The following SMIM36 variants were observed in gnomAD, a reference collection of about 807,000 sequenced individuals.
SMIM36 encodes the protein small integral membrane protein 36.
chr17:55,460,506 C>T, intron 4 of SMIM36, among the ~76,000 whole-genome samples: 1 of 151,292 alleles, frequency 6.6e-6, no homozygotes, highest in Middle Eastern at 3.4e-3. Flanking sequence ...GAAAACAAAA[C>T]AGCACAAGCT....
At chr17:55,470,976 A>G (rs1049767923) in intron 3 of SMIM36, among the ~76,000 whole-genome samples, 1 of 151,982 alleles carries the variant, frequency 6.6e-6, no homozygotes, top group Non-Finnish European at 1.5e-5. Context: ...TTGGTTCAGG[A>G]TCTTCACCTT....
intron 3 of SMIM36, among the ~76,000 whole-genome samples, chr17:55,476,434 T>TCGGTC (rs1448219730): frequency 9.2e-5 from 14 of 152,188 alleles, no homozygotes; most frequent in African/African-American, 2.7e-4. Context: ...TTTTTTGGAC[T>TCGGTC]CAGCACCCAG....
At chr17:55,451,667 T>C (rs1262855339) in intron 4 of SMIM36, among the ~76,000 whole-genome samples, 1 of 152,212 alleles carries the variant, frequency 6.6e-6, no homozygotes, top group African/African-American at 2.4e-5. Context: ...TAAATATCTG[T>C]TGAATGAATG....
At chr17:55,494,599 A>C (rs1909774164) in intron 1 of SMIM36, among the ~76,000 whole-genome samples, 1 of 152,134 alleles carries the variant, frequency 6.6e-6, no homozygotes, top group African/African-American at 2.4e-5. Context: ...CAAATAATGT[A>C]CATATAATTT....
rs138062354 is a variant in SMIM36, at chr17:55,463,904, C to T, written c.*531+3241G>A. Among the ~76,000 whole-genome samples the T allele has an allele frequency of 8.5e-3, 1,291 of 152,098 alleles. 6 individuals carry two copies. Among genetic ancestry groups the T allele is most frequent in the Non-Finnish European group, 0.014 (918 of 67,964 alleles). On this transcript the variant is annotated intron_variant, in intron 4 of 4. Coordinates refer to ENST00000636752, the Ensembl canonical transcript of SMIM36. ...GCTAAGACAGGGGGATCACTTGAGG[C>T]CAGGAGTTCAAGACTAGCCTGATCA...
intron 3 of SMIM36, among the ~76,000 whole-genome samples, chr17:55,474,101 A>T (rs988263412): frequency 2.0e-5 from 3 of 152,144 alleles, no homozygotes; most frequent in African/African-American, 7.2e-5. Flanking sequence ...AGCCCTTAAA[A>T]GGGATAGGAA....
At chr17:55,455,901 T>G (rs1011428084) in intron 4 of SMIM36, among the ~76,000 whole-genome samples, 1 of 152,032 alleles carries the variant, frequency 6.6e-6, no homozygotes, top group Non-Finnish European at 1.5e-5. Flanking sequence ...ATGGATCATT[T>G]GAGGTCAAGA....
Position 55,466,145 on chromosome 17 carries a change from C to G in SMIM36, c.*531+1000G>C, listed in dbSNP as rs10451267. On this transcript the variant is annotated intron_variant, in intron 4 of 4. Coordinates refer to ENST00000636752, the Ensembl canonical transcript of SMIM36. ...ATGCAAAATTAGCCTGGCATGGTGG[C>G]GGGCACCTGTAATCCCAGCTACTAG... 8.9e-3 allele frequency among the ~76,000 whole-genome samples: 1,348 copies of G among 151,720 alleles called. 18 individuals carry two copies. Among genetic ancestry groups the G allele is most frequent in the African/African-American group, 0.031 (1,274 of 41,362 alleles).
intron 1 of SMIM36, among the ~76,000 whole-genome samples, chr17:55,495,645 T>A (rs1035473289): frequency 7.3e-6 from 1 of 137,808 alleles, no homozygotes; most frequent in African/African-American, 3.0e-5. Flanking sequence ...TTTTTTTTTT[T>A]ACAAAGGAAA....
chr17:55,521,796 G>C, the SMIM36 span, among the ~76,000 whole-genome samples: 1 of 151,986 alleles, frequency 6.6e-6, no homozygotes, highest in Non-Finnish European at 1.5e-5. Flanking sequence ...AAAATCCTGG[G>C]GGCTCTACAT....
At chr17:55,482,153 G>A (rs778249807) in intron 1 of SMIM36, among the ~76,000 whole-genome samples, 2 of 152,132 alleles carry the variant, frequency 1.3e-5, no homozygotes, top group African/African-American at 2.4e-5. Context: ...AGTATTAGAC[G>A]AATCCTAAGA....
the SMIM36 span, among the ~76,000 whole-genome samples, chr17:55,517,117 C>G: frequency 5.8e-3 from 885 of 152,310 alleles, 10 homozygotes; most frequent in African/African-American, 0.019. Flanking sequence ...TGGCAATATG[C>G]TGGAATAGTA....
chr17:55,471,050 A>G (rs756487820), intron 3 of SMIM36, among the ~76,000 whole-genome samples: 1 of 152,040 alleles, frequency 6.6e-6, no homozygotes, highest in Non-Finnish European at 1.5e-5. Flanking sequence ...CCTATCTTCA[A>G]TACCCCCTCC....
intron 3 of SMIM36, among the ~76,000 whole-genome samples, chr17:55,474,927 G>A (rs150627450): frequency 2.4e-3 from 369 of 152,254 alleles, no homozygotes; most frequent in Non-Finnish European, 3.3e-3. Flanking sequence ...TTAGAGATAG[G>A]TTGGCCATCA....
Position 55,500,808 on chromosome 17 carries a change from T to A in SMIM36, c.*174+10071A>T, listed in dbSNP as rs917548404. ...TATTATTATATATTTTATAATATAT[T>A]ATAATATATTATATTTTATAATATA... On this transcript the variant is annotated intron_variant, in intron 1 of 4. Coordinates refer to ENST00000636752, the Ensembl canonical transcript of SMIM36. Among the ~76,000 whole-genome samples the A allele has an allele frequency of 1.3e-4, 7 of 55,840 alleles. 2 individuals are homozygous for A. Among genetic ancestry groups the A allele is most frequent in the Non-Finnish European group, 2.3e-4 (7 of 30,232 alleles). 36.6% of individuals were successfully genotyped at this position (55,840 alleles called of 152,430 possible). A position where few individuals can be genotyped will look rare whatever the true frequency, so the allele number is the denominator to read the frequency against.
chr17:55,470,358 C>A (rs1158101008), intron 3 of SMIM36, among the ~76,000 whole-genome samples: 2 of 152,194 alleles, frequency 1.3e-5, no homozygotes, highest in African/African-American at 4.8e-5. Context: ...ATCATAGATG[C>A]CGAGCTTTGG....
intron 1 of SMIM36, among the ~76,000 whole-genome samples, chr17:55,480,412 T>C (rs943190669): frequency 2.0e-5 from 3 of 152,140 alleles, no homozygotes. Flanking sequence ...TGTCTAAGGA[T>C]GAAAACCTCT....
chr17:55,529,800 C>A, the SMIM36 span, among the ~76,000 whole-genome samples: 1 of 151,320 alleles, frequency 6.6e-6, no homozygotes, highest in Admixed American at 6.6e-5. Flanking sequence ...GAAAAACAAA[C>A]AAACAAAAAA....
chr17:55,479,537 T>C (rs1909485195), exon 2 of SMIM36: 2 of 152,158 alleles, frequency 1.3e-5, no homozygotes, highest in African/African-American at 4.8e-5. Context: ...TGAGCTGAGA[T>C]TGCACCATTG....
Sources: allele counts gnomAD v4.1 joint callset (sites outside exome capture counted in the v4.1 genomes callset), GRCh38; gene constraint gnomAD v4.1.1; transcripts MANE v1.5; gene names NCBI Gene and HGNC (gene_info 2026-07-23, HGNC 2026-07-21).